Variants in WDR27 observed in about 807,000 individuals in gnomAD.
WDR27 encodes the protein WD repeat domain 27.
WDR27 carries 100 observed loss-of-function variants against 114.4 expected under a neutral mutation model. The observed-to-expected ratio is 0.87, with a 90% CI of 0.74 to 1.03. The LOEUF is 1.03. Ranked by LOEUF, WDR27 falls within the 50% of genes least tolerant of loss-of-function variation. The pLI is 0.00. For synonymous variants in WDR27, 449 were observed against 423.1 expected (o/e 1.06, Z -0.75); for missense variants, 1,129 against 1,092.9 (o/e 1.03, Z -0.47).
intron 1 of WDR27, among the ~76,000 whole-genome samples, chr6:169,696,325 A>C (rs1785953595): frequency 6.6e-6 from 1 of 152,198 alleles, no homozygotes; most frequent in Non-Finnish European, 1.5e-5. Context: ...GGCGCAGTGA[A>C]GCTTACGAGG....
At position 169,582,819 on chromosome 6, in the gene WDR27, A is replaced by C; in HGVS notation, c.2523+17T>G. The C allele has an allele frequency of 6.2e-7, 1 of 1,603,194 alleles. No homozygotes were observed. The highest frequency in any genetic ancestry group is 8.5e-7 in the Non-Finnish European group (1 of 1,171,468). The stretch of plus-strand genomic sequence containing the variant: ...TGTATGCAGCAGAGGCGCCCCACCC[A>C]CTCAGCAAGACTGTACCTGGGGCGC... On this transcript the variant is annotated intron_variant, in intron 24 of 25. Coordinates refer to ENST00000448612, the MANE Select transcript of WDR27 (RefSeq NM_182552.5).
chr6:169,439,045 A>C, the WDR27 span, among the ~76,000 whole-genome samples: 2 of 152,162 alleles, frequency 1.3e-5, no homozygotes, highest in Non-Finnish European at 2.9e-5. Context: ...ATCAAATTCT[A>C]ATTTAAGTAC....
At chr6:169,516,464 C>G (rs552681110) in intron 25 of WDR27, among the ~76,000 whole-genome samples, 4 of 152,180 alleles carry the variant, frequency 2.6e-5, no homozygotes, top group East Asian at 1.9e-4. Flanking sequence ...CTCCAGAACT[C>G]CTCCAGGGGG....
At chr6:169,663,475 G>A (rs1274254689) in intron 8 of WDR27, 1 of 152,250 alleles carries the variant, frequency 6.6e-6, no homozygotes, top group African/African-American at 2.4e-5. Flanking sequence ...AATGAAAGAG[G>A]TGGCCCCTGG....
intron 23 of WDR27, among the ~76,000 whole-genome samples, chr6:169,585,892 A>G (rs1467413475): frequency 1.3e-5 from 2 of 151,892 alleles, no homozygotes; most frequent in Admixed American, 1.3e-4. Context: ...AATACGTCGT[A>G]TTTTCTGCCT....
chr6:169,627,642 T>A (rs1218760742), intron 21 of WDR27, among the ~76,000 whole-genome samples: 1 of 152,168 alleles, frequency 6.6e-6, no homozygotes, highest in Non-Finnish European at 1.5e-5. Flanking sequence ...ACGGGGAGCC[T>A]CCACATTGCT....
intron 25 of WDR27, among the ~76,000 whole-genome samples, chr6:169,467,226 C>T (rs1450580775): frequency 6.6e-6 from 1 of 152,312 alleles, no homozygotes; most frequent in South Asian, 2.1e-4. Flanking sequence ...AACAGAGTGT[C>T]TGCAGCTTTT....
intron 23 of WDR27, among the ~76,000 whole-genome samples, chr6:169,595,835 C>A (rs2128160920): frequency 6.8e-6 from 1 of 147,098 alleles, no homozygotes; most frequent in Admixed American, 6.8e-5. Flanking sequence ...TCAGTTCTGG[C>A]ATATTCATAA....
intron 25 of WDR27, among the ~76,000 whole-genome samples, chr6:169,531,041 GT>G (rs1385404685): frequency 6.6e-6 from 1 of 152,104 alleles, no homozygotes; most frequent in Non-Finnish European, 1.5e-5. Flanking sequence ...TGTTGTCTGT[GT>G]TTTTCACTAG....
At chr6:169,600,885 A>G (rs1449740492) in intron 23 of WDR27, among the ~76,000 whole-genome samples, 1 of 152,238 alleles carries the variant, frequency 6.6e-6, no homozygotes, top group Non-Finnish European at 1.5e-5. Context: ...GTTGGAAAAT[A>G]CTTTGCCCGA....
intron 16 of WDR27, among the ~76,000 whole-genome samples, chr6:169,644,363 C>T (rs1005061970): frequency 3.6e-5 from 5 of 138,124 alleles, no homozygotes; most frequent in African/African-American, 8.2e-5. Flanking sequence ...CTAGTTCATA[C>T]GAGTCACACT....
chr6:169,695,007 G>C (rs1487647064), intron 1 of WDR27, among the ~76,000 whole-genome samples: 3 of 152,192 alleles, frequency 2.0e-5, no homozygotes, highest in African/African-American at 7.2e-5. Context: ...GCCAGCAGAG[G>C]GAGAAGGGTG....
In WDR27 at chr6:169,626,614, G is replaced by C. The variant is rs57768418; in HGVS notation, c.2223+6333C>G. On this transcript the variant is annotated intron_variant, in intron 21 of 25. Coordinates refer to ENST00000448612, the MANE Select transcript of WDR27 (RefSeq NM_182552.5). The stretch of plus-strand genomic sequence containing the variant: ...GAATACACCTCCTGCCTCTGACCTG[G>C]AAGGTGATCCTGAGGATGACATCAC... 7.8e-3 allele frequency among the ~76,000 whole-genome samples: 1,191 copies of C among 152,316 alleles called. 18 individuals carry two copies. Among genetic ancestry groups the C allele is most frequent in the African/African-American group, 0.028 (1,146 of 41,584 alleles).
intron 2 of WDR27, among the ~76,000 whole-genome samples, chr6:169,673,911 C>A (rs1019452691): frequency 1.3e-5 from 2 of 152,136 alleles, no homozygotes; most frequent in African/African-American, 4.8e-5. Context: ...CTGCTAAACC[C>A]CCTAGGCTTA....
rs1381145480 is a variant in WDR27, at chr6:169,468,707, G to A, written c.2646-11073C>T. The stretch of plus-strand genomic sequence containing the variant: ...ATCTGCATTTTGAGGGTAAATTCAG[G>A]AGAGTATTAACAAGCTCTTTTGCCA... On this transcript the variant is annotated intron_variant, in intron 25 of 25. Coordinates refer to ENST00000448612, the MANE Select transcript of WDR27 (RefSeq NM_182552.5). 2.0e-5 allele frequency among the ~76,000 whole-genome samples: 3 copies of A among 152,118 alleles called. No individual in the cohort carries two copies. In the East Asian group the frequency reaches 5.8e-4, roughly 29 times the overall value.
chr6:169,633,126 G>C, intron 20 of WDR27, 58 bp from the exon 21 acceptor site: 4 of 1,498,406 alleles, frequency 2.7e-6, no homozygotes, highest in Non-Finnish European at 3.6e-6. Flanking sequence ...GGAAGGGACA[G>C]TTCCCTCTCT....
the WDR27 span, among the ~76,000 whole-genome samples, chr6:169,434,385 G>T: frequency 0.041 from 6,261 of 152,094 alleles, 159 homozygotes; most frequent in Non-Finnish European, 0.063. Context: ...AAGATTAGAG[G>T]GTTTAGATGT....
chr6:169,450,847 A>C, the WDR27 span, among the ~76,000 whole-genome samples: 1 of 151,286 alleles, frequency 6.6e-6, no homozygotes, highest in Admixed American at 6.6e-5. Flanking sequence ...ACTGCATGGA[A>C]CACCACCATC....
At chr6:169,640,977 T>A (rs1819003483) in intron 17 of WDR27, among the ~76,000 whole-genome samples, 1 of 152,202 alleles carries the variant, frequency 6.6e-6, no homozygotes, top group Non-Finnish European at 1.5e-5. Context: ...TCCTTCTTAG[T>A]GAGACTGAGA....
Sources: allele counts gnomAD v4.1 joint callset (sites outside exome capture counted in the v4.1 genomes callset), GRCh38; gene constraint gnomAD v4.1.1; transcripts MANE v1.5; gene names NCBI Gene and HGNC (gene_info 2026-07-23, HGNC 2026-07-21).